The following LHB variants were observed in gnomAD, a reference collection of about 807,000 sequenced individuals.
The protein encoded by LHB is lutropin subunit beta.
A neutral mutation model predicts 10.6 loss-of-function variants in LHB; 11 were observed. That is an observed-to-expected ratio of 1.04 (90% CI 0.66 to 1.72). LHB has a LOEUF of 1.72. Ranked by LOEUF, LHB falls within the 40% of genes most tolerant of loss-of-function variation. The pLI is 0.00. For missense variants in LHB, 184 were observed against 197.3 expected, an observed-to-expected ratio of 0.93 and a Z score of 0.41; for synonymous variants, 86 against 83.1, an observed-to-expected ratio of 1.03 and a Z score of -0.19.
At chr19:49,018,761 G>T, upstream of LHB, 2 of 931,098 alleles carry the variant, frequency 2.1e-6, no homozygotes, top group Non-Finnish European at 3.2e-6. Flanking sequence ...TGCTACAGAA[G>T]TCGAGGCTGA....
chr19:49,017,965 G>C (rs946953312), upstream of LHB: 5 of 398,458 alleles, frequency 1.3e-5, no homozygotes, highest in South Asian at 1.3e-4. Context: ...TGGCCCTGAC[G>C]GCTCACACCA....
chr19:49,018,755 A>T, upstream of LHB: 2 of 868,090 alleles, frequency 2.3e-6, no homozygotes, highest in Non-Finnish European at 3.5e-6. Context: ...TCTTGCTGCT[A>T]CAGAAGTCGA....
chr19:49,018,029 A>G (rs2039588389), upstream of LHB: 2 of 398,492 alleles, frequency 5.0e-6, no homozygotes, highest in Non-Finnish European at 8.8e-6. Context: ...GGCTTTCGGC[A>G]CGCTGTAGAT....
chr19:49,019,373 A>G (rs977987103), upstream of LHB: 1 of 1,232,688 alleles, frequency 8.1e-7, no homozygotes, highest in African/African-American at 1.6e-5. Context: ...ACCTCTCCCA[A>G]CTCCCACCTG....
In LHB at chr19:49,016,415, C is replaced by T. The variant is rs1028326333; in HGVS notation, c.184-105G>A. The T allele has an allele frequency of 1.4e-5, 22 of 1,599,320 alleles. 1 individual carries two copies. In the Admixed American group the frequency reaches 3.7e-4, roughly 27 times the overall value. Reference sequence around the variant, plus strand: ...TCCTGGACTCAGGAGCCCAGGAAGCCCTCTGTTCCTGCCTTCCCACACCCC... The same window carrying T: ...TCCTGGACTCAGGAGCCCAGGAAGCTCTCTGTTCCTGCCTTCCCACACCCC... On this transcript the variant is annotated intron_variant, in intron 2 of 2. Coordinates refer to ENST00000649238, the MANE Select transcript of LHB (RefSeq NM_000894.3).
intron 1 of LHB, 89 bp from the exon 2 acceptor site, chr19:49,016,803 A>T (rs1287554924): frequency 6.3e-7 from 1 of 1,597,952 alleles, no homozygotes; most frequent in Non-Finnish European, 8.5e-7. Context: ...ACCCACAAAG[A>T]CCCAGAGACC....
upstream of LHB, chr19:49,017,568 G>C: frequency 9.1e-7 from 1 of 1,095,808 alleles, no homozygotes; most frequent in African/African-American, 1.6e-5. Flanking sequence ...TGTGCTGCCA[G>C]GGAAGCCACT....
rs373313262 is a variant in LHB, at chr19:49,016,975, C to T, written c.15+92G>A. 173 of 1,611,258 alleles carry T rather than the reference C, an allele frequency of 1.1e-4. 1 individual carries two copies. In the African/African-American group the frequency reaches 2.2e-3, roughly 20 times the overall value. The stretch of plus-strand genomic sequence containing the variant: ...GGGGTCATGCCCCTCCAGAAAGAGG[C>T]CTCCTTCCACAGCTCACACGGGTCT... On this transcript the variant is annotated intron_variant, in intron 1 of 2. Transcript: ENST00000649238.
chr19:49,016,292 C>T lies in LHB; in HGVS notation c.202G>A (p.Val68Ile). 2 of 1,611,390 alleles carry T rather than the reference C, an allele frequency of 1.2e-6. No individual in the cohort carries two copies. Among genetic ancestry groups the T allele is most frequent in the Non-Finnish European group, 1.7e-6 (2 of 1,179,772 alleles). Residue 68 changes from valine (V) to isoleucine (I), a missense_variant, in exon 3 of 3, where the codon GTC (valine) becomes ATC (isoleucine). By Grantham distance (29) the Val-to-Ile change is conservative. Coordinates refer to ENST00000649238, the MANE Select transcript of LHB (RefSeq NM_000894.3). ...ACCACCTGAGGCAGGGGCGGCAGGA[C>T]CGCCTGCAGCACGCGCATCTGGAGG... The part of the protein sequence containing the change: ...CPTMMRVLQA[V>I]LPPLPQVVCT...
Position 49,016,386 on chromosome 19 carries a change from C to T in LHB, c.184-76G>A. On this transcript the variant is annotated intron_variant, in intron 2 of 2. Coordinates refer to ENST00000649238, the MANE Select transcript of LHB (RefSeq NM_000894.3). ...CAGCTGAGCTCCCAAGCTGACCCCA[C>T]AGGTCCTGGACTCAGGAGCCCAGGA... The T allele has an allele frequency of 2.2e-5, 35 of 1,602,044 alleles. No homozygotes were observed. In the South Asian group the frequency reaches 3.6e-4, roughly 17 times the overall value.
upstream of LHB, chr19:49,017,123 C>G (rs201927697): frequency 6.2e-7 from 1 of 1,613,872 alleles, no homozygotes; most frequent in East Asian, 2.2e-5. Context: ...CTATATACCT[C>G]GGGGTTGTGG....
At chr19:49,018,791 G>A, upstream of LHB, 8 of 1,231,078 alleles carry the variant, frequency 6.5e-6, no homozygotes, top group Non-Finnish European at 8.0e-6. Context: ...CTCAGGGAAT[G>A]GGAGCCAGCC....
chr19:49,018,362 G>A, upstream of LHB: 1 of 1,215,212 alleles, frequency 8.2e-7, no homozygotes, highest in Non-Finnish European at 1.0e-6. Context: ...GGGCGGGATG[G>A]TGAGGATACA....
At chr19:49,019,229 C>T, upstream of LHB, 1 of 1,363,180 alleles carries the variant, frequency 7.3e-7, no homozygotes, top group Non-Finnish European at 9.4e-7. Flanking sequence ...TAAATCCAAG[C>T]ACCTTCTGCT....
At chr19:49,018,090 A>G (rs1164067774), upstream of LHB, 1 of 398,980 alleles carries the variant, frequency 2.5e-6, no homozygotes, top group African/African-American at 2.1e-5. Flanking sequence ...TCCAGCGGGC[A>G]GAAGCGGTCG....
At chr19:49,017,183 CTA>C (rs2039570348), upstream of LHB, 1 of 1,576,320 alleles carries the variant, frequency 6.3e-7, no homozygotes, top group Non-Finnish European at 8.7e-7. Context: ...AACCTGGACA[CTA>C]ATCCCCCCGG....
At chr19:49,018,891 T>C (rs1161602885), upstream of LHB, 2 of 1,534,028 alleles carry the variant, frequency 1.3e-6, no homozygotes, top group Non-Finnish European at 1.7e-6. Context: ...GAACCGAAAG[T>C]CCCGCGCCGA....
chr19:49,018,427 C>A (rs942044715), upstream of LHB: 9 of 790,182 alleles, frequency 1.1e-5, no homozygotes, highest in Non-Finnish European at 1.4e-5. Context: ...TCTGCACATT[C>A]AAACTCCTGC....
chr19:49,018,019 G>C, upstream of LHB: 1 of 398,634 alleles, frequency 2.5e-6, no homozygotes, highest in East Asian at 3.6e-5. Flanking sequence ...CGGTACTGTA[G>C]GCTTTCGGCA....
Sources: gnomAD v4.1 joint callset for allele counts on GRCh38, gnomAD v4.1.1 for gene constraint, MANE v1.5 for transcripts, NCBI Gene and HGNC (gene_info 2026-07-23, HGNC 2026-07-21) for gene names.